SCFD2: variants seen among roughly 807,000 people sequenced by gnomAD.
SCFD2 encodes sec1 family domain containing 2, also known as sec1 family domain-containing protein 2.
In SCFD2, 54 loss-of-function variants were observed where a neutral mutation model predicts 58.9. The ratio of observed to expected loss-of-function variants is 0.92; its 90% CI spans 0.74 to 1.15. The LOEUF is 1.15. Among genes scored for constraint, SCFD2 ranks in the 50% most tolerant of loss-of-function variants. The pLI is 0.00. For synonymous variants in SCFD2, 321 were observed against 335.9 expected (o/e 0.96, Z 0.49); for missense variants, 805 against 836.6 (o/e 0.96, Z 0.47).
chr4:53,068,522 T>C (rs2148847105), intron 5 of SCFD2, among the ~76,000 whole-genome samples: 1 of 152,212 alleles, frequency 6.6e-6, no homozygotes, highest in East Asian at 1.9e-4. Context: ...TGTTGGTGCA[T>C]ACCTTTCAAT....
chr4:53,019,104 T>C (rs1466435568), intron 5 of SCFD2, among the ~76,000 whole-genome samples: 1 of 152,198 alleles, frequency 6.6e-6, no homozygotes, highest in African/African-American at 2.4e-5. Flanking sequence ...AAAAGGATTA[T>C]AACCTTTGAC....
At chr4:52,992,080 G>A (rs1286871038) in intron 5 of SCFD2, among the ~76,000 whole-genome samples, 3 of 152,034 alleles carry the variant, frequency 2.0e-5, no homozygotes, top group Non-Finnish European at 2.9e-5. Flanking sequence ...ATGCCGAGCC[G>A]AAGCTGGACT....
intron 4 of SCFD2, among the ~76,000 whole-genome samples, chr4:53,173,710 G>C (rs1727245728): frequency 6.6e-6 from 1 of 151,948 alleles, no homozygotes; most frequent in Non-Finnish European, 1.5e-5. Context: ...TCCTCTAGTG[G>C]TATGCTTTGA....
intron 5 of SCFD2, among the ~76,000 whole-genome samples, chr4:52,955,378 C>T (rs953486142): frequency 1.3e-5 from 2 of 152,288 alleles, no homozygotes; most frequent in East Asian, 1.9e-4. Context: ...CTCACAGCCT[C>T]CATGTGAAAC....
intron 6 of SCFD2, among the ~76,000 whole-genome samples, chr4:52,916,535 C>T (rs1719612365): frequency 1.3e-5 from 2 of 152,330 alleles, no homozygotes; most frequent in South Asian, 4.1e-4. Flanking sequence ...GATTGCGCCA[C>T]TGCACTCCAG....
intron 2 of SCFD2, among the ~76,000 whole-genome samples, chr4:53,326,333 G>A (rs576212085): frequency 3.9e-5 from 6 of 152,208 alleles, no homozygotes; most frequent in African/African-American, 1.4e-4. Context: ...TGTAGTGACA[G>A]TGTTTCACCG....
Position 53,187,077 on chromosome 4 carries a change from T to A in SCFD2, c.1312-41495A>T, listed in dbSNP as rs779107458. ...ATCAAATGACAAACAGAAAAAAAAA[T>A]TACTGTCATAAATACATGAAAAGCT... On this transcript the variant is annotated intron_variant, in intron 4 of 8. Coordinates refer to ENST00000401642, the MANE Select transcript of SCFD2 (RefSeq NM_152540.4). 1.9e-3 allele frequency among the ~76,000 whole-genome samples: 288 copies of A among 151,520 alleles called. 2 individuals carry two copies. Among genetic ancestry groups the A allele is most frequent in the Non-Finnish European group, 3.5e-3 (236 of 67,854 alleles).
At chr4:53,329,921 C>A (rs1320481423) in intron 2 of SCFD2, among the ~76,000 whole-genome samples, 2 of 151,866 alleles carry the variant, frequency 1.3e-5, no homozygotes, top group Non-Finnish European at 1.5e-5. Context: ...CAGCTGAAAA[C>A]CAAGGCTCGA....
At chr4:53,038,690 T>C (rs1389188006) in intron 5 of SCFD2, among the ~76,000 whole-genome samples, 3 of 151,704 alleles carry the variant, frequency 2.0e-5, no homozygotes, top group Non-Finnish European at 4.4e-5. Context: ...ATTTAAAGTT[T>C]TTTGTTTTTT....
chr4:53,128,334 A>G (rs1460074476), intron 5 of SCFD2, among the ~76,000 whole-genome samples: 1 of 152,174 alleles, frequency 6.6e-6, no homozygotes, highest in Non-Finnish European at 1.5e-5. Flanking sequence ...TTCCATTCTA[A>G]TATCTGGAAG....
rs545129303 is a variant in SCFD2 at position 53,295,312 on chromosome 4, T to G, written c.1135+18324A>C. 2.6e-5 allele frequency among the ~76,000 whole-genome samples: 4 copies of G among 152,308 alleles called. No homozygotes were observed. In the South Asian group the frequency reaches 8.3e-4, roughly 32 times the overall value. On this transcript the variant is annotated intron_variant, in intron 3 of 8. Transcript: ENST00000401642. The stretch of plus-strand genomic sequence containing the variant: ...TCCATTTGTTTGTGTCCTCTCTGAT[T>G]TCCTTGAGTCATGGTTTTTGTGATC...
At chr4:53,137,815 T>C (rs1560352179) in intron 5 of SCFD2, among the ~76,000 whole-genome samples, 1 of 152,214 alleles carries the variant, frequency 6.6e-6, no homozygotes, top group Non-Finnish European at 1.5e-5. Context: ...CAAAAAGTAA[T>C]ATTAAAGTCT....
At chr4:53,313,867 A>G in intron 2 of SCFD2, 104 bp from the exon 3 acceptor site, 1 of 1,030,930 alleles carries the variant, frequency 9.7e-7, no homozygotes, top group Non-Finnish European at 1.4e-6. Flanking sequence ...GCATTAATGT[A>G]GTCTTTCCTA....
chr4:52,889,420 A>G (rs756268753), intron 7 of SCFD2, among the ~76,000 whole-genome samples: 5 of 152,172 alleles, frequency 3.3e-5, no homozygotes, highest in Non-Finnish European at 7.4e-5. Flanking sequence ...CACACTCTTA[A>G]AACACCTCTC....
intron 5 of SCFD2, among the ~76,000 whole-genome samples, chr4:52,987,473 T>C (rs1721523367): frequency 6.6e-6 from 1 of 152,236 alleles, no homozygotes; most frequent in Admixed American, 6.5e-5. Context: ...AAAACAATGC[T>C]TTTCTAGATC....
At chr4:53,044,013 G>A (rs751534909) in intron 5 of SCFD2, among the ~76,000 whole-genome samples, 6 of 152,078 alleles carry the variant, frequency 3.9e-5, no homozygotes, top group Non-Finnish European at 8.8e-5. Flanking sequence ...ACTTGCCTTT[G>A]AGCTGCAAGG....
At chr4:52,962,385 C>A (rs377725244) in intron 5 of SCFD2, among the ~76,000 whole-genome samples, 1 of 152,172 alleles carries the variant, frequency 6.6e-6, no homozygotes, top group East Asian at 1.9e-4. Flanking sequence ...ACTCCTGGTA[C>A]CTTACAAACT....
intron 4 of SCFD2, among the ~76,000 whole-genome samples, chr4:53,162,723 T>C (rs563344485): frequency 2.0e-5 from 3 of 151,842 alleles, no homozygotes; most frequent in South Asian, 4.2e-4. Context: ...TGGGGAGGGA[T>C]AGCATTAGGA....
chr4:53,114,791 G>A (rs1352948317), intron 5 of SCFD2, among the ~76,000 whole-genome samples: 2 of 152,058 alleles, frequency 1.3e-5, no homozygotes, highest in East Asian at 1.9e-4. Flanking sequence ...AATTGAAAAT[G>A]ATCACATTAT....
Sources: gnomAD v4.1 joint callset for allele counts (sites outside exome capture counted in the v4.1 genomes callset) on GRCh38, gnomAD v4.1.1 for gene constraint, MANE v1.5 for transcripts, NCBI Gene and HGNC (gene_info 2026-07-23, HGNC 2026-07-21) for gene names.